Variants in LMLN observed in about 807,000 individuals in gnomAD.
LMLN encodes leishmanolysin-like peptidase.
A neutral mutation model predicts 92.3 loss-of-function variants in LMLN; 70 were observed. The ratio of observed to expected loss-of-function variants is 0.76; its 90% CI spans 0.63 to 0.92. The LOEUF is 0.92. LMLN is among the 40% of genes least tolerant of loss of function. LMLN has a pLI of 0.00. For missense variants in LMLN, 691 were observed against 814.6 expected (o/e 0.85, Z 1.85); for synonymous variants, 308 against 296.2 (o/e 1.04, Z -0.41).
intron 11 of LMLN, among the ~76,000 whole-genome samples, chr3:198,001,052 G>A (rs999417305): frequency 2.0e-5 from 3 of 152,134 alleles, no homozygotes; most frequent in African/African-American, 7.2e-5. Flanking sequence ...TCCCTCACTA[G>A]TGCTCATCCT....
At chr3:197,977,228 G>C (rs1445119602) in intron 5 of LMLN, among the ~76,000 whole-genome samples, 1 of 152,110 alleles carries the variant, frequency 6.6e-6, no homozygotes, top group African/African-American at 2.4e-5. Flanking sequence ...AAAAGTGAAG[G>C]AGATCTCTAT....
In LMLN at chr3:197,962,181, A is replaced by T. The variant is rs188852770; in HGVS notation, c.219+1741A>T. ...CTAGTTTTCTAATTGTTTTTTTTTTAAATACTAGATTAGTTTGGCCAATTC... is the reference window on the plus strand; with the variant it reads ...CTAGTTTTCTAATTGTTTTTTTTTTTAATACTAGATTAGTTTGGCCAATTC... On this transcript the variant is annotated intron_variant, in intron 1 of 15. Coordinates refer to ENST00000330198, the Ensembl canonical transcript of LMLN. Among the ~76,000 whole-genome samples, 307 of 151,418 alleles carry T rather than the reference A, an allele frequency of 2.0e-3. 1 individual carries two copies. Among genetic ancestry groups the T allele is most frequent in the African/African-American group, 7.2e-3 (295 of 41,236 alleles).
chr3:198,022,435 C>G lies in LMLN; in HGVS notation c.1525+830C>G, dbSNP rs968695045. Among the ~76,000 whole-genome samples, 12 of 152,166 alleles carry G rather than the reference C, an allele frequency of 7.9e-5. 1 individual carries two copies. Among genetic ancestry groups the G allele is most frequent in the Non-Finnish European group, 7.4e-5 (5 of 68,026 alleles). On this transcript the variant is annotated intron_variant, in intron 13 of 15. Coordinates refer to ENST00000330198, the Ensembl canonical transcript of LMLN. ...TTAACCTAGTCTCCAAACCCCCACC[C>G]CATTCCATACTTTATTACAGACTAA...
In LMLN at chr3:198,007,263, T is replaced by C. The variant is rs548676506; in HGVS notation, c.1232+7921T>C. ...AGTCTAAGAAGTGTTTGCCAAGCTC[T>C]AGATCTTGAAAGTTTTCTTATGTTT... On this transcript the variant is annotated intron_variant, in intron 11 of 15. Coordinates refer to ENST00000330198, the Ensembl canonical transcript of LMLN. Among the ~76,000 whole-genome samples the C allele has an allele frequency of 1.4e-4, 22 of 152,360 alleles. 1 individual carries two copies. The South Asian group carries it at 4.6e-3, about 32-fold the overall frequency.
chr3:197,987,535 A>T (rs1721747562), intron 8 of LMLN, among the ~76,000 whole-genome samples: 2 of 152,260 alleles, frequency 1.3e-5, no homozygotes, highest in Admixed American at 1.3e-4. Flanking sequence ...TGAAAGATTT[A>T]TAGGGAAAAT....
At chr3:197,960,420 C>G (rs1490779045) in exon 1 of LMLN, 10 of 1,613,734 alleles carry the variant, frequency 6.2e-6, no homozygotes, top group Non-Finnish European at 8.5e-6. Context: ...CTGCCGGCAC[C>G]ACGTCCCCTC....
At chr3:197,996,417 TC>T in intron 10 of LMLN, 135 bp downstream of exon 10, 1 of 505,054 alleles carries the variant, frequency 2.0e-6, no homozygotes, top group Non-Finnish European at 3.5e-6. Context: ...AGATGCACTT[TC>T]CAGATACAGT....
At chr3:198,018,278 A>T (rs771931827) in intron 11 of LMLN, among the ~76,000 whole-genome samples, 1 of 152,258 alleles carries the variant, frequency 6.6e-6, no homozygotes, top group Non-Finnish European at 1.5e-5. Flanking sequence ...TGGAAGCTTT[A>T]TCATGGGAAG....
At chr3:197,966,165 C>T (rs998020329) in intron 1 of LMLN, among the ~76,000 whole-genome samples, 10 of 152,174 alleles carry the variant, frequency 6.6e-5, no homozygotes, top group Non-Finnish European at 1.5e-4. Flanking sequence ...GCCTCAGCCT[C>T]CAGAGTAGCT....
chr3:198,036,243 G>T (rs965346092), intron 15 of LMLN, among the ~76,000 whole-genome samples, 200 bp downstream of exon 16: 2 of 152,184 alleles, frequency 1.3e-5, no homozygotes, highest in African/African-American at 4.8e-5. Context: ...TTGAGTAAGA[G>T]CAAGGGTGAG....
chr3:197,973,045 G>C (rs1016449215), intron 1 of LMLN, among the ~76,000 whole-genome samples: 1 of 152,302 alleles, frequency 6.6e-6, no homozygotes, highest in South Asian at 2.1e-4. Flanking sequence ...TCAAGCCAAA[G>C]TTAGACTTGC....
At chr3:198,020,849 C>G (rs1163989800) in intron 12 of LMLN, among the ~76,000 whole-genome samples, 1 of 132,310 alleles carries the variant, frequency 7.6e-6, no homozygotes, top group Non-Finnish European at 1.5e-5. Flanking sequence ...TCTTGAACTC[C>G]TGACCTCAGG....
chr3:197,977,115 T>A (rs1310139249), intron 5 of LMLN, among the ~76,000 whole-genome samples: 1 of 152,224 alleles, frequency 6.6e-6, no homozygotes, highest in Admixed American at 6.5e-5. Context: ...CTACGTAATA[T>A]ATGTTTAAAG....
At chr3:197,990,319 T>C (rs1721830033) in intron 8 of LMLN, among the ~76,000 whole-genome samples, 1 of 152,086 alleles carries the variant, frequency 6.6e-6, no homozygotes, top group Admixed American at 6.6e-5. Flanking sequence ...CACCTCGGCC[T>C]GCTGAGGTGC....
In LMLN at chr3:198,042,122, A is replaced by G. The variant is rs1370305633; in HGVS notation, c.*3455A>G. The G allele has an allele frequency of 6.6e-6, 1 of 152,164 alleles. No homozygotes were observed. The highest frequency in any genetic ancestry group is 2.4e-5 in the African/African-American group (1 of 41,426). 9.4% of individuals were successfully genotyped at this position (152,164 alleles called of 1,614,324 possible). ...TGTGTTGATGTCTCCCGTCCTCTTC[A>G]GTAAGGCTTGAATATGATTTTACTC... On this transcript the variant is annotated 3_prime_UTR_variant, in exon 16 of 16. Transcript: ENST00000330198. This position sits in a 1 kb window ranked among gnomAD's most constrained non-coding sequence, Gnocchi z 4.2.
chr3:198,013,254 C>T (rs1170742012), intron 11 of LMLN, among the ~76,000 whole-genome samples: 12 of 95,910 alleles, frequency 1.3e-4, no homozygotes, highest in East Asian at 2.5e-4. Flanking sequence ...CTTCAGAGTC[C>T]CCTAACTAGT....
intron 1 of LMLN, among the ~76,000 whole-genome samples, chr3:197,966,377 T>C (rs1045277181): frequency 4.6e-5 from 7 of 152,200 alleles, no homozygotes; most frequent in African/African-American, 1.7e-4. Context: ...TCACACTGTC[T>C]GGGGCATGAT....
chr3:198,002,536 G>C (rs1722203137), intron 11 of LMLN, among the ~76,000 whole-genome samples: 1 of 152,226 alleles, frequency 6.6e-6, no homozygotes. Flanking sequence ...TCAGGAGTTT[G>C]AGACCAGTGT....
chr3:198,038,598 C>A, exon 16 of LMLN: 2 of 1,614,090 alleles, frequency 1.2e-6, no homozygotes, highest in South Asian at 1.1e-5. Flanking sequence ...GCCTGGTGGT[C>A]ACCCTCTGGC....
Sources: gnomAD v4.1 joint callset for allele counts (sites outside exome capture counted in the v4.1 genomes callset) on GRCh38, gnomAD v4.1.1 for gene constraint, Gnocchi (gnomAD v3.1) non-coding constraint, MANE v1.5 for transcripts, NCBI Gene and HGNC (gene_info 2026-07-23, HGNC 2026-07-21) for gene names.